The following VPS13B variants were observed in gnomAD, a reference collection of about 807,000 sequenced individuals.
The protein encoded by VPS13B is vacuolar protein sorting 13 homolog B.
In VPS13B, 285 loss-of-function variants were observed where a neutral mutation model predicts 426.4. That is an observed-to-expected ratio of 0.67 (90% CI 0.61 to 0.74). The LOEUF is 0.74. Among genes scored for constraint, VPS13B ranks in the 30% least tolerant of loss-of-function variants. The pLI is 0.00. For synonymous variants in VPS13B, 1,676 were observed against 1,676.4 expected (o/e 1.00, Z 0.01); for missense variants, 4,537 against 4,782.6 (o/e 0.95, Z 1.51).
At chr8:99,536,962 G>C (rs1221889963) in intron 30 of VPS13B, 1 of 369,712 alleles carries the variant, frequency 2.7e-6, no homozygotes, top group African/African-American at 2.1e-5. Context: ...TTATATTAAT[G>C]AGATATACAG....
At chr8:99,478,447 G>GTTTTTTTTTTTTTTTGTTTTTTTT (rs1819825809) in intron 24 of VPS13B, among the ~76,000 whole-genome samples, 1 of 85,778 alleles carries the variant, frequency 1.2e-5, no homozygotes, top group South Asian at 3.7e-4. Context: ...TTTTTGTTTT[G>GTTTTTTTTTTTTTTTGTTTTTTTT]TTTTTTTTTT....
intron 16 of VPS13B, among the ~76,000 whole-genome samples, chr8:99,191,672 G>A (rs563857316): frequency 1.3e-4 from 20 of 151,758 alleles, no homozygotes; most frequent in East Asian, 3.9e-4. Context: ...GTGAGCCACC[G>A]CGCTGGGCCT....
At chr8:99,657,518 T>C (rs576203121) in intron 34 of VPS13B, among the ~76,000 whole-genome samples, 2 of 116,742 alleles carry the variant, frequency 1.7e-5, no homozygotes, top group East Asian at 4.7e-4. Flanking sequence ...TTTTTACATT[T>C]GAATTTACTG....
Position 99,810,331 on chromosome 8 carries a change from G to C in VPS13B, c.8097+801G>C, listed in dbSNP as rs145632623. On this transcript the variant is annotated intron_variant, in intron 44 of 61. Coordinates refer to ENST00000357162, the MANE Select transcript of VPS13B (RefSeq NM_152564.5). ...GAGTTTCAACATATACATCTGGATT[G>C]TAACAGTCTACCCAGAGCTTTTGTG... 4.2e-3 allele frequency among the ~76,000 whole-genome samples: 641 copies of C among 152,342 alleles called. 4 individuals carry two copies. Among genetic ancestry groups the C allele is most frequent in the Non-Finnish European group, 6.8e-3 (466 of 68,036 alleles).
intron 21 of VPS13B, among the ~76,000 whole-genome samples, chr8:99,394,101 G>T (rs770500456): frequency 6.6e-6 from 1 of 152,008 alleles, no homozygotes; most frequent in Non-Finnish European, 1.5e-5. Context: ...GTAGCATTAG[G>T]TATAAATCAG....
intron 23 of VPS13B, 31 bp downstream of exon 23, chr8:99,442,666 A>C (rs903257327): frequency 4.2e-5 from 66 of 1,585,670 alleles, no homozygotes; most frequent in African/African-American, 5.4e-5. Flanking sequence ...CCTATGGTTA[A>C]TGTTTTATAT....
At chr8:99,066,104 C>T (rs1276447548) in intron 3 of VPS13B, among the ~76,000 whole-genome samples, 7 of 152,222 alleles carry the variant, frequency 4.6e-5, no homozygotes, top group Admixed American at 3.3e-4. Context: ...TCAATGCCAT[C>T]CCCATGAAGC....
intron 3 of VPS13B, among the ~76,000 whole-genome samples, chr8:99,045,293 C>T (rs954394233): frequency 5.9e-5 from 9 of 152,060 alleles, no homozygotes. Context: ...TTTGCGTTTC[C>T]CTGATTATTA....
At chr8:99,558,198 G>A (rs1824692482) in intron 31 of VPS13B, among the ~76,000 whole-genome samples, 1 of 152,048 alleles carries the variant, frequency 6.6e-6, no homozygotes, top group African/African-American at 2.4e-5. Flanking sequence ...ATCCTACCAG[G>A]TAATAACTGT....
intron 17 of VPS13B, chr8:99,234,474 G>A (rs936017845): frequency 3.8e-5 from 21 of 552,818 alleles, no homozygotes; most frequent in East Asian, 1.9e-4. Flanking sequence ...CCTCGCCGCC[G>A]CCCCGCCCCG....
intron 55 of VPS13B, among the ~76,000 whole-genome samples, chr8:99,850,887 C>T (rs1444676192): frequency 6.6e-6 from 1 of 152,162 alleles, no homozygotes; most frequent in African/African-American, 2.4e-5. Context: ...GATCATGCCA[C>T]TGCACTCCAG....
chr8:99,785,301 T>C (rs1812205761), intron 43 of VPS13B, among the ~76,000 whole-genome samples: 1 of 152,160 alleles, frequency 6.6e-6, no homozygotes, highest in Non-Finnish European at 1.5e-5. Flanking sequence ...AGAAAGTCAT[T>C]AGATTAGAGA....
At chr8:99,725,760 C>T (rs758118430) in intron 39 of VPS13B, among the ~76,000 whole-genome samples, 20 of 152,160 alleles carry the variant, frequency 1.3e-4, no homozygotes. Flanking sequence ...CAAACTATAT[C>T]AGGGTGCGTT....
intron 17 of VPS13B, among the ~76,000 whole-genome samples, chr8:99,247,510 GA>G (rs1196388574): frequency 6.6e-6 from 1 of 152,038 alleles, no homozygotes; most frequent in Non-Finnish European, 1.5e-5. Flanking sequence ...TCTACTTCCT[GA>G]TCTTTAATGG....
intron 19 of VPS13B, among the ~76,000 whole-genome samples, chr8:99,368,849 A>T (rs1373854138): frequency 6.6e-6 from 1 of 152,198 alleles, no homozygotes; most frequent in Non-Finnish European, 1.5e-5. Flanking sequence ...AACTCCCTAG[A>T]ATGGGCATTC....
chr8:99,687,351 C>G (rs1400131777), intron 35 of VPS13B, among the ~76,000 whole-genome samples: 1 of 152,172 alleles, frequency 6.6e-6, no homozygotes, highest in Non-Finnish European at 1.5e-5. Flanking sequence ...TGGTGTCTGA[C>G]TGGATTGCAT....
chr8:99,762,534 T>A (rs372825783), intron 39 of VPS13B, among the ~76,000 whole-genome samples: 1 of 152,320 alleles, frequency 6.6e-6, no homozygotes, highest in East Asian at 1.9e-4. Context: ...GAAAATAATA[T>A]TGAACTGTGG....
chr8:99,032,908 A>T (rs1309896469), intron 2 of VPS13B, among the ~76,000 whole-genome samples: 1 of 152,058 alleles, frequency 6.6e-6, no homozygotes, highest in Non-Finnish European at 1.5e-5. Flanking sequence ...ACTAGTTGAG[A>T]TTATTGATAA....
At chr8:99,807,204 A>G (rs372102453) in intron 43 of VPS13B, among the ~76,000 whole-genome samples, 2 of 152,234 alleles carry the variant, frequency 1.3e-5, no homozygotes, top group African/African-American at 4.8e-5. Context: ...CTGAGAACAA[A>G]TAGCTGCCAA....
Sources: gnomAD v4.1 joint callset for allele counts (sites outside exome capture counted in the v4.1 genomes callset) on GRCh38, gnomAD v4.1.1 for gene constraint, MANE v1.5 for transcripts, NCBI Gene and HGNC (gene_info 2026-07-23, HGNC 2026-07-21) for gene names.